Variants in KIAA1328 observed in about 807,000 individuals in gnomAD.
KIAA1328 encodes protein hinderin.
A neutral mutation model predicts 68.1 loss-of-function variants in KIAA1328; 52 were observed. The observed-to-expected ratio is 0.76, with a 90% CI of 0.61 to 0.96. The LOEUF (loss-of-function observed/expected upper bound fraction) is 0.96, where lower values mean the gene tolerates loss of function less well. Among genes scored for constraint, KIAA1328 ranks in the 40% least tolerant of loss-of-function variants. The pLI is 0.00. For synonymous variants in KIAA1328, 232 were observed against 239.4 expected, an observed-to-expected ratio of 0.97 and a Z score of 0.28; for missense variants, 641 against 677.6, an observed-to-expected ratio of 0.95 and a Z score of 0.60.
At chr18:37,199,363 G>A (rs553497636) in intron 9 of KIAA1328, among the ~76,000 whole-genome samples, 89 of 152,164 alleles carry the variant, frequency 5.8e-4, no homozygotes, top group African/African-American at 1.9e-3. Context: ...TTTTCTGTTC[G>A]TGCATTAGTT....
chr18:37,160,190 G>A lies in KIAA1328; in HGVS notation c.1233-10G>A. On this transcript the variant is annotated splice_polypyrimidine_tract_variant and intron_variant, in intron 7 of 9. Transcript: ENST00000280020. Reference sequence around the variant, plus strand: ...TGCCTTCAACAGTTCATTCATCGTTGTTCTTTCAGTTTATTGAAGTCAAAC... The same window carrying A: ...TGCCTTCAACAGTTCATTCATCGTTATTCTTTCAGTTTATTGAAGTCAAAC... The A allele has an allele frequency of 6.2e-7, 1 of 1,606,512 alleles. No individual in the cohort carries two copies. The highest frequency in any genetic ancestry group is 8.5e-7 in the Non-Finnish European group (1 of 1,176,058).
rs549580618 is a variant in KIAA1328 at position 37,034,829 on chromosome 18, A to T, written c.577-32061A>T. On this transcript the variant is annotated intron_variant, in intron 6 of 9. Coordinates refer to ENST00000280020, the MANE Select transcript of KIAA1328 (RefSeq NM_020776.3). ...CTAGGAAGTAAAACATTCAGTCAAC[A>T]TTGTGAAACAAAAAAGCAATATGAG... Among the ~76,000 whole-genome samples the T allele has an allele frequency of 7.2e-5, 11 of 152,340 alleles. No homozygotes were observed. The South Asian group carries it at 2.3e-3, about 32-fold the overall frequency.
intron 8 of KIAA1328, among the ~76,000 whole-genome samples, chr18:37,164,208 CAT>C (rs1443035522): frequency 1.3e-5 from 2 of 152,152 alleles, no homozygotes; most frequent in African/African-American, 4.8e-5. Context: ...CATTGCTTAA[CAT>C]GTGGTGTGGT....
chr18:37,180,591 A>G (rs1303216825), intron 9 of KIAA1328, among the ~76,000 whole-genome samples: 1 of 151,832 alleles, frequency 6.6e-6, no homozygotes, highest in East Asian at 1.9e-4. Context: ...GTCAGATTGC[A>G]ATATTTGCTT....
chr18:37,089,759 A>G (rs1369317586), intron 7 of KIAA1328, among the ~76,000 whole-genome samples: 1 of 152,188 alleles, frequency 6.6e-6, no homozygotes, highest in African/African-American at 2.4e-5. Flanking sequence ...TGAATTGCTC[A>G]GTATTATATA....
At chr18:37,082,509 A>G in intron 7 of KIAA1328, among the ~76,000 whole-genome samples, 1 of 152,174 alleles carries the variant, frequency 6.6e-6, no homozygotes, top group East Asian at 1.9e-4. Context: ...ATGAATTAAT[A>G]TCTGCTATAC....
At chr18:36,980,513 T>C (rs1402442654) in intron 6 of KIAA1328, among the ~76,000 whole-genome samples, 2 of 152,334 alleles carry the variant, frequency 1.3e-5, no homozygotes, top group Middle Eastern at 3.4e-3. Context: ...GTCGTATGGC[T>C]GCTTCCACAA....
intron 7 of KIAA1328, among the ~76,000 whole-genome samples, chr18:37,120,102 G>A (rs546113727): frequency 1.3e-5 from 2 of 152,048 alleles, no homozygotes; most frequent in African/African-American, 4.8e-5. Context: ...CTTCCAAAAT[G>A]AACACTTTAT....
At chr18:36,844,112 A>G in intron 3 of KIAA1328, 96 bp from the exon 4 acceptor site, 1 of 720,804 alleles carries the variant, frequency 1.4e-6, no homozygotes, top group Non-Finnish European at 2.3e-6. Context: ...CACCAGAGAA[A>G]AGATATCTAA....
chr18:36,909,591 A>G (rs1288359626), intron 5 of KIAA1328, among the ~76,000 whole-genome samples: 1 of 152,110 alleles, frequency 6.6e-6, no homozygotes, highest in East Asian at 1.9e-4. Context: ...GCCACAGTAA[A>G]CATATGTGTG....
intron 6 of KIAA1328, among the ~76,000 whole-genome samples, chr18:36,978,903 G>A (rs1410115204): frequency 3.3e-5 from 5 of 152,106 alleles, no homozygotes; most frequent in African/African-American, 1.2e-4. Context: ...TGGCTCATGT[G>A]TATAATCTCA....
At chr18:36,985,245 A>G (rs2052868431) in intron 6 of KIAA1328, among the ~76,000 whole-genome samples, 1 of 152,200 alleles carries the variant, frequency 6.6e-6, no homozygotes, top group Admixed American at 6.5e-5. Flanking sequence ...GTCTACAGTG[A>G]GCCAGGATCA....
intron 9 of KIAA1328, among the ~76,000 whole-genome samples, chr18:37,216,899 C>CTTT (rs762745405): frequency 0.025 from 2,251 of 90,230 alleles, 32 homozygotes; most frequent in Non-Finnish European, 0.038. Flanking sequence ...TTCTTTGTCT[C>CTTT]TTTTTTTTTT....
chr18:36,979,811 G>GACTC (rs1269704706), intron 6 of KIAA1328, among the ~76,000 whole-genome samples: 7 of 152,158 alleles, frequency 4.6e-5, no homozygotes, highest in Non-Finnish European at 1.0e-4. Context: ...AAGGAGAAGA[G>GACTC]ACTCAGCAAG....
intron 6 of KIAA1328, among the ~76,000 whole-genome samples, chr18:36,998,402 C>G (rs1252425906): frequency 6.6e-6 from 1 of 152,182 alleles, no homozygotes; most frequent in Non-Finnish European, 1.5e-5. Flanking sequence ...CTGCAATCAC[C>G]CAGGCCTACC....
At chr18:37,051,902 C>T (rs1156411228) in intron 6 of KIAA1328, among the ~76,000 whole-genome samples, 2 of 152,050 alleles carry the variant, frequency 1.3e-5, no homozygotes, top group Admixed American at 6.5e-5. Flanking sequence ...ATTAGCCAGG[C>T]GTGGTGCTGG....
At chr18:36,982,914 G>A (rs1432842033) in intron 6 of KIAA1328, among the ~76,000 whole-genome samples, 3 of 151,944 alleles carry the variant, frequency 2.0e-5, no homozygotes, top group African/African-American at 7.2e-5. Flanking sequence ...TGTAATATCA[G>A]TTGAAGATAG....
At chr18:36,987,879 G>A (rs1284312585) in intron 6 of KIAA1328, among the ~76,000 whole-genome samples, 3 of 151,368 alleles carry the variant, frequency 2.0e-5, no homozygotes, top group Non-Finnish European at 4.4e-5. Flanking sequence ...TTTTCTTTAA[G>A]GTTCTAGCTG....
intron 9 of KIAA1328, among the ~76,000 whole-genome samples, chr18:37,189,568 T>A (rs1483455746): frequency 6.6e-6 from 1 of 152,216 alleles, no homozygotes; most frequent in Admixed American, 6.5e-5. Flanking sequence ...TATGGCCTAT[T>A]ACAAACTATT....
Sources: allele counts gnomAD v4.1 joint callset (sites outside exome capture counted in the v4.1 genomes callset), GRCh38; gene constraint gnomAD v4.1.1; transcripts MANE v1.5; gene names NCBI Gene and HGNC (gene_info 2026-07-23, HGNC 2026-07-21).